Variants in CERKL observed in about 807,000 individuals in gnomAD.
The protein encoded by CERKL is CERK like autophagy regulator.
In CERKL, 61 loss-of-function variants were observed where a neutral mutation model predicts 63.4. That is an observed-to-expected ratio of 0.96 (90% CI 0.78 to 1.19). The LOEUF is 1.19. Among genes scored for constraint, CERKL ranks in the 50% most tolerant of loss-of-function variants. The pLI, the probability that CERKL is intolerant of heterozygous loss-of-function variation, is 0.00. For missense variants in CERKL, 675 were observed against 655.5 expected (o/e 1.03, Z -0.33); for synonymous variants, 250 against 230.5 (o/e 1.08, Z -0.77).
At chr2:181,656,026 G>A (rs780120479) in intron 1 of CERKL, among the ~76,000 whole-genome samples, 44 of 152,196 alleles carry the variant, frequency 2.9e-4, no homozygotes, top group Non-Finnish European at 4.3e-4. Context: ...CGTGAAAATA[G>A]ACTCGAAGTA....
chr2:181,581,574 A>G (rs976151641), intron 2 of CERKL, among the ~76,000 whole-genome samples: 10 of 152,342 alleles, frequency 6.6e-5, no homozygotes, highest in African/African-American at 1.4e-4. Flanking sequence ...ATATTATTGA[A>G]TAAGGCTTTA....
rs1687151255 is a variant in CERKL at position 181,536,974 on chromosome 2, G to GATGAAAGTT, written c.*1201_*1209dup. ...CTGCCACTAGCCAGCCATCCTAATT[G>GATGAAAGTT]ATGAAAGTTATCTGTTCACAGGCCT... On this transcript the variant is annotated 3_prime_UTR_variant, in exon 13 of 13. Coordinates refer to ENST00000410087, the MANE Select transcript of CERKL (RefSeq NM_201548.5). 6.6e-6 allele frequency: 3 copies of GATGAAAGTT among 452,312 alleles called. No individual in the cohort carries two copies. Among genetic ancestry groups the GATGAAAGTT allele is most frequent in the Non-Finnish European group, 1.3e-5 (3 of 226,230 alleles). The allele number at this position is 452,312 out of a possible 1,614,324, so 28.0% of individuals were successfully genotyped here.
chr2:181,537,916 T>TCAG lies in CERKL; in HGVS notation c.*265_*267dup. The TCAG allele has an allele frequency of 3.4e-6, 2 of 580,336 alleles. No homozygotes were observed. 35.9% of individuals were successfully genotyped at this position (580,336 alleles called of 1,614,324 possible). Reference sequence around the variant, plus strand: ...TTACTGAGTTCCTCCCCCTGTCAGATCAGCAGCAGCATTAGATTCTCATAG... The same window carrying TCAG: ...TTACTGAGTTCCTCCCCCTGTCAGATCAGCAGCAGCAGCATTAGATTCTCATAG... On this transcript the variant is annotated 3_prime_UTR_variant, in exon 13 of 13. Coordinates refer to ENST00000410087, the MANE Select transcript of CERKL (RefSeq NM_201548.5).
At chr2:181,638,648 A>G (rs1574056192) in intron 1 of CERKL, among the ~76,000 whole-genome samples, 3 of 152,350 alleles carry the variant, frequency 2.0e-5, no homozygotes, top group Admixed American at 2.0e-4. Context: ...TGTAGTCATT[A>G]TAATGGCCAC....
At position 181,573,855 on chromosome 2, in the gene CERKL, T is replaced by G; in HGVS notation, c.511A>C (p.Ile171Leu). 6.2e-7 allele frequency: 1 copy of G among 1,612,896 alleles called. No homozygotes were observed. Among genetic ancestry groups the G allele is most frequent in the Non-Finnish European group, 8.5e-7 (1 of 1,179,342 alleles). The stretch of plus-strand genomic sequence containing the variant: ...TTGTGACTTTGGGGGTTAAGGAGTA[T>G]TTTTAATGACTTCGGTCTGTTTGGA... Reference protein sequence around the residue: ...GFPNRPKSLKILLNPQSHKKE... With the variant: ...GFPNRPKSLKLLLNPQSHKKE... Residue 171 changes from isoleucine (I) to leucine (L), a missense_variant, in exon 3 of 13, where the codon ATA becomes CTA. By Grantham distance (5) the Ile-to-Leu change is conservative. Transcript: ENST00000410087.
At chr2:181,628,129 T>C (rs113549771) in intron 1 of CERKL, among the ~76,000 whole-genome samples, 447 of 152,270 alleles carry the variant, frequency 2.9e-3, no homozygotes, top group African/African-American at 9.9e-3. Context: ...TTGGTAGTAA[T>C]CAGCTATTTA....
At chr2:181,569,036 T>C (rs891083154) in intron 3 of CERKL, among the ~76,000 whole-genome samples, 15 of 152,132 alleles carry the variant, frequency 9.9e-5, no homozygotes, top group African/African-American at 3.6e-4. Flanking sequence ...TTTTATCTTG[T>C]CTCCCTCAAA....
At chr2:181,582,536 T>C (rs776275768) in intron 2 of CERKL, among the ~76,000 whole-genome samples, 7 of 145,824 alleles carry the variant, frequency 4.8e-5, no homozygotes, top group South Asian at 2.1e-4. Context: ...TATATATATA[T>C]GTTTTTTTTT....
chr2:181,579,922 C>T (rs958738467), intron 2 of CERKL, among the ~76,000 whole-genome samples: 1 of 151,824 alleles, frequency 6.6e-6, no homozygotes, highest in Non-Finnish European at 1.5e-5. Context: ...CTGCACTGCC[C>T]ATCTGAGATC....
At chr2:181,631,129 T>C (rs1686938232) in intron 1 of CERKL, among the ~76,000 whole-genome samples, 1 of 152,176 alleles carries the variant, frequency 6.6e-6, no homozygotes, top group Non-Finnish European at 1.5e-5. Context: ...TGTGTAAGAT[T>C]TGAAAGCACC....
In CERKL at chr2:181,557,280, A is replaced by C. The variant is rs1304103108; in HGVS notation, c.820+1286T>G. On this transcript the variant is annotated intron_variant, in intron 5 of 12. Coordinates refer to ENST00000410087, the MANE Select transcript of CERKL (RefSeq NM_201548.5). ...TTTGTCAATTTTGGCTTTTGTTGCC[A>C]TTGCTTTTGGTGTTTTAGACACGAA... 2.0e-5 allele frequency among the ~76,000 whole-genome samples: 3 copies of C among 152,102 alleles called. No individual in the cohort carries two copies. The East Asian group carries it at 5.8e-4, about 29-fold the overall frequency.
At chr2:181,563,272 C>G (rs1038889163) in intron 4 of CERKL, among the ~76,000 whole-genome samples, 11 of 152,010 alleles carry the variant, frequency 7.2e-5, no homozygotes, top group Non-Finnish European at 1.0e-4. Context: ...AGTGCTGATA[C>G]ACTGTTTCTG....
intron 5 of CERKL, among the ~76,000 whole-genome samples, chr2:181,554,939 T>A (rs978797125): frequency 6.6e-6 from 1 of 152,110 alleles, no homozygotes; most frequent in African/African-American, 2.4e-5. Flanking sequence ...ATGCTAGAAC[T>A]CCTATGCAAT....
rs529211142 is a variant in CERKL at position 181,644,951 on chromosome 2, G to A, written c.238+11818C>T. 1.9e-3 allele frequency among the ~76,000 whole-genome samples: 291 copies of A among 152,258 alleles called. 1 individual carries two copies. Among genetic ancestry groups the A allele is most frequent in the African/African-American group, 6.4e-3 (267 of 41,546 alleles). The stretch of plus-strand genomic sequence containing the variant: ...TATGAGGAAACTACTGAGAAATGAG[G>A]ATGCAGAGATAGGCAGGAGCCAAGC... On this transcript the variant is annotated intron_variant, in intron 1 of 12. Coordinates refer to ENST00000410087, the MANE Select transcript of CERKL (RefSeq NM_201548.5).
chr2:181,595,861 A>G (rs1319445493), intron 2 of CERKL, among the ~76,000 whole-genome samples: 1 of 152,200 alleles, frequency 6.6e-6, no homozygotes, highest in Non-Finnish European at 1.5e-5. Flanking sequence ...TCTTGATGCT[A>G]TTATTATGAA....
intron 2 of CERKL, among the ~76,000 whole-genome samples, chr2:181,585,138 C>T (rs890325621): frequency 6.6e-6 from 1 of 151,954 alleles, no homozygotes; most frequent in Non-Finnish European, 1.5e-5. Flanking sequence ...GTAGTACATA[C>T]CATCACTTGA....
At chr2:181,563,589 GCATTTTGGGGTTAACCTTCTCTCA>G (rs1688535761) in intron 4 of CERKL, among the ~76,000 whole-genome samples, 2 of 57,046 alleles carry the variant, frequency 3.5e-5, no homozygotes, top group Non-Finnish European at 6.5e-5. Flanking sequence ...AAATGCCATA[GCATTTTGGGGTTAACCTTCTCTCA>G]TCTCTGCACC....
intron 2 of CERKL, among the ~76,000 whole-genome samples, chr2:181,574,689 C>A (rs1271072118): frequency 6.6e-6 from 1 of 152,096 alleles, no homozygotes; most frequent in East Asian, 1.9e-4. Flanking sequence ...ACAACCGTTT[C>A]TTTTACGGTA....
chr2:181,651,742 A>C (rs992599161), intron 1 of CERKL, among the ~76,000 whole-genome samples: 2 of 150,182 alleles, frequency 1.3e-5, no homozygotes, highest in Non-Finnish European at 3.0e-5. Flanking sequence ...CCCTGTTTGC[A>C]GAAGATATGA....
Sources: allele counts gnomAD v4.1 joint callset (sites outside exome capture counted in the v4.1 genomes callset), GRCh38; gene constraint gnomAD v4.1.1; transcripts MANE v1.5; gene names NCBI Gene and HGNC (gene_info 2026-07-23, HGNC 2026-07-21).